Variants in ZMAT4 observed in about 807,000 individuals in gnomAD.
ZMAT4 encodes zinc finger matrin-type 4.
Under a neutral mutation model 28.7 loss-of-function variants are expected in ZMAT4, and 17 were observed. The ratio of observed to expected loss-of-function variants is 0.59; its 90% CI spans 0.41 to 0.89. ZMAT4 has a LOEUF of 0.89. Among genes scored for constraint, ZMAT4 ranks in the 40% least tolerant of loss-of-function variants. The pLI, the probability that ZMAT4 is intolerant of heterozygous loss-of-function variation, is 0.00. For synonymous variants in ZMAT4, 117 were observed against 109.2 expected (o/e 1.07, Z -0.44); for missense variants, 240 against 283.8 (o/e 0.85, Z 1.11).
At chr8:40,711,248 A>G (rs554572539) in intron 3 of ZMAT4, among the ~76,000 whole-genome samples, 9 of 152,228 alleles carry the variant, frequency 5.9e-5, no homozygotes, top group Admixed American at 2.0e-4. Flanking sequence ...ACAGAGTATC[A>G]AACAATAAAT....
At chr8:40,680,291 C>A (rs918266536) in intron 4 of ZMAT4, among the ~76,000 whole-genome samples, 2 of 152,140 alleles carry the variant, frequency 1.3e-5, no homozygotes, top group South Asian at 2.1e-4. Context: ...TGGCCCCAAC[C>A]ATCCTAGCTT....
At chr8:40,758,590 G>T (rs1812792485) in intron 3 of ZMAT4, among the ~76,000 whole-genome samples, 1 of 152,034 alleles carries the variant, frequency 6.6e-6, no homozygotes, top group East Asian at 1.9e-4. Flanking sequence ...TCTGTCTGTG[G>T]TCTTTTCCAT....
chr8:40,754,743 G>C (rs1812603310), intron 3 of ZMAT4, among the ~76,000 whole-genome samples: 1 of 152,190 alleles, frequency 6.6e-6, no homozygotes, highest in Non-Finnish European at 1.5e-5. Flanking sequence ...CAGGTGGGCT[G>C]ACTGTTGCCT....
intron 5 of ZMAT4, among the ~76,000 whole-genome samples, chr8:40,647,227 G>A (rs1202668119): frequency 3.3e-5 from 5 of 152,174 alleles, no homozygotes; most frequent in Admixed American, 6.5e-5. Flanking sequence ...CCCACCGTGC[G>A]TGAGCTGAAG....
chr8:40,590,588 A>G (rs1323164055), intron 5 of ZMAT4, among the ~76,000 whole-genome samples: 4 of 152,070 alleles, frequency 2.6e-5, no homozygotes, highest in Non-Finnish European at 4.4e-5. Flanking sequence ...TAATTTTCTT[A>G]AACTACAACT....
intron 3 of ZMAT4, among the ~76,000 whole-genome samples, chr8:40,753,474 T>C (rs1285519581): frequency 6.6e-6 from 1 of 152,228 alleles, no homozygotes; most frequent in Admixed American, 6.5e-5. Flanking sequence ...TTCTTTATTC[T>C]AAGCTTTCCA....
rs1168430579 is a variant in ZMAT4, at chr8:40,616,974, C to T, written c.578-35713G>A. On this transcript the variant is annotated intron_variant, in intron 5 of 6. Coordinates refer to ENST00000297737, the MANE Select transcript of ZMAT4 (RefSeq NM_024645.3). Reference sequence around the variant, plus strand: ...TTCTAATAGCCAGAGTGAAGAAGGACACATAATCATTCTCACTCATGAAGA... The same window carrying T: ...TTCTAATAGCCAGAGTGAAGAAGGATACATAATCATTCTCACTCATGAAGA... 2.0e-5 allele frequency among the ~76,000 whole-genome samples: 3 copies of T among 150,274 alleles called. No homozygotes were observed. In the East Asian group the frequency reaches 5.9e-4, roughly 29 times the overall value.
chr8:40,720,907 C>A (rs1811058017), intron 3 of ZMAT4, among the ~76,000 whole-genome samples: 1 of 152,092 alleles, frequency 6.6e-6, no homozygotes, highest in East Asian at 1.9e-4. Context: ...GAAATAGAGG[C>A]TCAGAGGCAG....
chr8:40,760,187 C>G (rs1323037243), intron 3 of ZMAT4, among the ~76,000 whole-genome samples: 2 of 152,210 alleles, frequency 1.3e-5, no homozygotes, highest in Non-Finnish European at 2.9e-5. Context: ...TGCTCACTCA[C>G]AGCACCTACT....
At chr8:40,641,612 A>C (rs1807029746) in intron 5 of ZMAT4, among the ~76,000 whole-genome samples, 1 of 152,190 alleles carries the variant, frequency 6.6e-6, no homozygotes, top group Non-Finnish European at 1.5e-5. Flanking sequence ...ACACCTTTGA[A>C]ACCATCATCA....
At chr8:40,889,548 C>T (rs558286734) in intron 1 of ZMAT4, among the ~76,000 whole-genome samples, 2 of 152,284 alleles carry the variant, frequency 1.3e-5, no homozygotes, top group South Asian at 2.1e-4. Flanking sequence ...GCAGTGATAA[C>T]CACCATGAAA....
chr8:40,545,718 A>G (rs1357661614), intron 6 of ZMAT4, among the ~76,000 whole-genome samples: 2 of 152,134 alleles, frequency 1.3e-5, no homozygotes, highest in Non-Finnish European at 2.9e-5. Context: ...AGGGAGCACA[A>G]CCTTGCATAT....
intron 1 of ZMAT4, among the ~76,000 whole-genome samples, chr8:40,834,464 C>G (rs1331269460): frequency 6.6e-6 from 1 of 152,140 alleles, no homozygotes; most frequent in Non-Finnish European, 1.5e-5. Flanking sequence ...ATGTGATTCA[C>G]CAAATGGCCT....
At chr8:40,608,250 T>C (rs563317311) in intron 5 of ZMAT4, among the ~76,000 whole-genome samples, 1 of 152,256 alleles carries the variant, frequency 6.6e-6, no homozygotes, top group African/African-American at 2.4e-5. Flanking sequence ...AGCCTTGCTG[T>C]AGCTGCTGTT....
intron 2 of ZMAT4, among the ~76,000 whole-genome samples, chr8:40,784,653 T>C (rs539312694): frequency 2.4e-3 from 369 of 152,272 alleles, no homozygotes; most frequent in Non-Finnish European, 4.7e-3. Context: ...AATCCATACA[T>C]AGACCCTTAA....
chr8:40,731,550 A>G (rs904682415), intron 3 of ZMAT4, among the ~76,000 whole-genome samples: 1 of 152,204 alleles, frequency 6.6e-6, no homozygotes, highest in Non-Finnish European at 1.5e-5. Context: ...AAGTCACAAG[A>G]CATACAAAGA....
intron 2 of ZMAT4, among the ~76,000 whole-genome samples, chr8:40,799,347 G>C (rs1307070816): frequency 1.3e-5 from 2 of 152,024 alleles, no homozygotes; most frequent in Non-Finnish European, 2.9e-5. Flanking sequence ...GTTTAAAACT[G>C]TTTCTGTTCC....
intron 2 of ZMAT4, among the ~76,000 whole-genome samples, chr8:40,783,871 C>T (rs776821782): frequency 3.3e-5 from 5 of 152,072 alleles, no homozygotes; most frequent in Admixed American, 6.5e-5. Context: ...ATTAGCTGGG[C>T]GTGGTGGCAG....
intron 3 of ZMAT4, among the ~76,000 whole-genome samples, chr8:40,747,661 T>C (rs1400155905): frequency 6.6e-6 from 1 of 152,126 alleles, no homozygotes; most frequent in Admixed American, 6.5e-5. Context: ...AGGGACACAC[T>C]GAAGATCCCT....
Sources: allele counts gnomAD v4.1 joint callset (sites outside exome capture counted in the v4.1 genomes callset), GRCh38; gene constraint gnomAD v4.1.1; transcripts MANE v1.5; gene names NCBI Gene and HGNC (gene_info 2026-07-23, HGNC 2026-07-21).